LRBA: variants seen among roughly 807,000 people sequenced by gnomAD.
The protein encoded by LRBA is lipopolysaccharide-responsive and beige-like anchor protein.
A neutral mutation model predicts 330.0 loss-of-function variants in LRBA; 176 were observed. That is an observed-to-expected ratio of 0.53 (90% CI 0.47 to 0.60). The LOEUF (loss-of-function observed/expected upper bound fraction) is 0.60. Among genes scored for constraint, LRBA ranks in the 20% least tolerant of loss-of-function variants. The probability of loss-of-function intolerance (pLI) is 0.00; values close to 1 mark genes in which losing one functional copy is unlikely to be tolerated. For missense variants in LRBA, 3,259 were observed against 3,444.8 expected (o/e 0.95, Z 1.35); for synonymous variants, 1,230 against 1,193.0 (o/e 1.03, Z -0.64).
At chr4:150,650,611 C>T (rs1446688834) in intron 37 of LRBA, among the ~76,000 whole-genome samples, 2 of 152,178 alleles carry the variant, frequency 1.3e-5, no homozygotes, top group South Asian at 4.1e-4. Flanking sequence ...ATTGTACCAA[C>T]CCACTCATGC....
At chr4:150,613,567 T>C (rs1184607002) in intron 37 of LRBA, among the ~76,000 whole-genome samples, 1 of 152,010 alleles carries the variant, frequency 6.6e-6, no homozygotes, top group African/African-American at 2.4e-5. Context: ...AGGGGCCAGA[T>C]CATGAAGAAT....
chr4:150,457,260 GA>G (rs2152041718), intron 44 of LRBA, among the ~76,000 whole-genome samples: 1 of 152,020 alleles, frequency 6.6e-6, no homozygotes, highest in South Asian at 2.1e-4. Context: ...TTAAGCTACT[GA>G]AAAATGTTGT....
chr4:150,418,256 A>C (rs1463676122), intron 46 of LRBA, among the ~76,000 whole-genome samples: 1 of 152,064 alleles, frequency 6.6e-6, no homozygotes, highest in African/African-American at 2.4e-5. Context: ...GGCTTCAAGC[A>C]ATCCTCCCCA....
At chr4:150,606,742 T>C (rs1774674599) in intron 37 of LRBA, among the ~76,000 whole-genome samples, 1 of 152,178 alleles carries the variant, frequency 6.6e-6, no homozygotes, top group South Asian at 2.1e-4. Flanking sequence ...CTACATAGCA[T>C]TTCCTCTTGA....
intron 46 of LRBA, 76 bp from the exon 47 acceptor site, chr4:150,415,666 C>A: frequency 2.3e-6 from 2 of 852,854 alleles, no homozygotes; most frequent in East Asian, 2.5e-5. Flanking sequence ...AGGACCTGAT[C>A]ATTTTCTATT....
chr4:150,451,869 T>G (rs568842255), intron 44 of LRBA, among the ~76,000 whole-genome samples: 1 of 152,110 alleles, frequency 6.6e-6, no homozygotes, highest in Non-Finnish European at 1.5e-5. Flanking sequence ...CTACCAAAAC[T>G]CATTAACAAA....
chr4:150,689,734 T>C (rs1337250507), intron 36 of LRBA, among the ~76,000 whole-genome samples: 1 of 152,074 alleles, frequency 6.6e-6, no homozygotes, highest in Non-Finnish European at 1.5e-5. Context: ...AAGACCAGCA[T>C]GGGCAACATG....
intron 53 of LRBA, among the ~76,000 whole-genome samples, chr4:150,297,318 A>G (rs931390360): frequency 6.6e-6 from 1 of 152,144 alleles, no homozygotes; most frequent in East Asian, 1.9e-4. Flanking sequence ...CACATCTACT[A>G]TTAGTTACAA....
intron 2 of LRBA, among the ~76,000 whole-genome samples, chr4:150,972,528 C>T (rs1739698106): frequency 1.3e-5 from 2 of 152,096 alleles, no homozygotes. Flanking sequence ...ACATTCTACG[C>T]ATGTAACAAA....
At chr4:150,838,015 G>C (rs941632330) in intron 28 of LRBA, among the ~76,000 whole-genome samples, 3 of 152,102 alleles carry the variant, frequency 2.0e-5, no homozygotes, top group Non-Finnish European at 2.9e-5. Flanking sequence ...GCATTTACTT[G>C]TCTGTAAAGG....
chr4:150,271,421 G>A (rs182074318), intron 56 of LRBA, among the ~76,000 whole-genome samples: 17 of 151,574 alleles, frequency 1.1e-4, no homozygotes, highest in African/African-American at 3.2e-4. Context: ...GGTCTGGCTC[G>A]GTGGGTCCCA....
At chr4:150,270,804 C>T (rs1390413074) in intron 56 of LRBA, among the ~76,000 whole-genome samples, 1 of 152,160 alleles carries the variant, frequency 6.6e-6, no homozygotes, top group African/African-American at 2.4e-5. Flanking sequence ...CCCTATCTTT[C>T]AGGGGACTCT....
intron 44 of LRBA, among the ~76,000 whole-genome samples, chr4:150,455,280 G>A (rs990026836): frequency 1.3e-5 from 2 of 151,858 alleles, no homozygotes; most frequent in Non-Finnish European, 2.9e-5. Flanking sequence ...TCCCATTACT[G>A]GGTATATACC....
intron 2 of LRBA, among the ~76,000 whole-genome samples, chr4:150,990,691 A>T (rs550296750): frequency 6.6e-6 from 1 of 152,278 alleles, no homozygotes; most frequent in East Asian, 1.9e-4. Context: ...AACTGGGATC[A>T]CACCAGTGTA....
Position 150,316,715 on chromosome 4 carries a change from C to T in LRBA, c.7631-1092G>A, listed in dbSNP as rs116056777. 9.4e-3 allele frequency among the ~76,000 whole-genome samples: 1,432 copies of T among 152,246 alleles called. 10 individuals carry two copies. Among genetic ancestry groups the T allele is most frequent in the Non-Finnish European group, 0.015 (1,046 of 68,024 alleles). On this transcript the variant is annotated intron_variant, in intron 50 of 56. Coordinates refer to ENST00000651943, the MANE Select transcript of LRBA (RefSeq NM_001364905.1). ...TCCCCAAACACCAGTGGGACCTCAACCCTGGCTCTTGACACTGTGGTGAGA... is the reference window on the plus strand; with the variant it reads ...TCCCCAAACACCAGTGGGACCTCAATCCTGGCTCTTGACACTGTGGTGAGA...
At chr4:150,581,605 C>T in intron 40 of LRBA, 1 of 178,932 alleles carries the variant, frequency 5.6e-6, no homozygotes, top group Non-Finnish European at 1.2e-5. Context: ...TTATTCCAGC[C>T]ATCTCCAGGA....
intron 29 of LRBA, 81 bp from the exon 30 acceptor site, chr4:150,828,702 G>A (rs1746656992): frequency 8.5e-7 from 1 of 1,173,838 alleles, no homozygotes; most frequent in African/African-American, 1.5e-5. Flanking sequence ...TGTTTTAATA[G>A]CTATCTACTG....
intron 17 of LRBA, among the ~76,000 whole-genome samples, chr4:150,881,917 T>C (rs1333574995): frequency 6.6e-6 from 1 of 152,014 alleles, no homozygotes; most frequent in East Asian, 1.9e-4. Context: ...CAAAACCCTG[T>C]CTCTATTAAA....
At chr4:150,656,819 A>C (rs1015017424) in intron 37 of LRBA, among the ~76,000 whole-genome samples, 1 of 152,244 alleles carries the variant, frequency 6.6e-6, no homozygotes, top group Non-Finnish European at 1.5e-5. Flanking sequence ...CTCAATACCT[A>C]TTACAAATAT....
Sources: gnomAD v4.1 joint callset for allele counts (sites outside exome capture counted in the v4.1 genomes callset) on GRCh38, gnomAD v4.1.1 for gene constraint, MANE v1.5 for transcripts, NCBI Gene and HGNC (gene_info 2026-07-23, HGNC 2026-07-21) for gene names.